CFAP46: variants seen among roughly 807,000 people sequenced by gnomAD.
CFAP46 encodes cilia and flagella associated protein 46, also known as cilia- and flagella-associated protein 46.
Under a neutral mutation model 325.7 loss-of-function variants are expected in CFAP46, and 245 were observed. The ratio of observed to expected loss-of-function variants is 0.75; its 90% CI spans 0.68 to 0.84. The LOEUF is 0.84. Ranked by LOEUF, CFAP46 falls within the 40% of genes least tolerant of loss-of-function variation. CFAP46 has a pLI of 0.00. For missense variants in CFAP46, 3,346 were observed against 3,543.0 expected (o/e 0.94, Z 1.41); for synonymous variants, 1,523 against 1,495.9 (o/e 1.02, Z -0.42).
At position 132,927,070 on chromosome 10, in the gene CFAP46, T is replaced by A. The variant is rs553670777; in HGVS notation, c.967-404A>T. On this transcript the variant is annotated intron_variant, in intron 9 of 57. Transcript: ENST00000368586. Reference sequence around the variant, plus strand: ...TACCTCTCCTTTCTTGGGGGCTTGCTGAGCTCGGGGAAGATGTTCCCAGGC... The same window carrying A: ...TACCTCTCCTTTCTTGGGGGCTTGCAGAGCTCGGGGAAGATGTTCCCAGGC... Among the ~76,000 whole-genome samples the A allele has an allele frequency of 9.9e-5, 15 of 152,252 alleles. No homozygotes were observed. In the East Asian group the frequency reaches 2.5e-3, roughly 26 times the overall value.
intron 35 of CFAP46, among the ~76,000 whole-genome samples, chr10:132,862,307 G>A (rs1247564091): frequency 6.6e-6 from 1 of 152,204 alleles, no homozygotes; most frequent in African/African-American, 2.4e-5. Context: ...CTTGTTGAGG[G>A]CAGCTACAGT....
In CFAP46 at chr10:132,924,107, C is replaced by G. The variant is rs1451799291; in HGVS notation, c.1256+589G>C. On this transcript the variant is annotated intron_variant, in intron 11 of 57. Transcript: ENST00000368586. ...TGAGATCAGGGCTGTGATTCTCCAGCCACCCTGGGCCCAGGCTCTGCAACA... is the reference window on the plus strand; with the variant it reads ...TGAGATCAGGGCTGTGATTCTCCAGGCACCCTGGGCCCAGGCTCTGCAACA... Among the ~76,000 whole-genome samples the G allele has an allele frequency of 3.9e-5, 6 of 152,102 alleles. 1 individual carries two copies. In the South Asian group the frequency reaches 1.2e-3, roughly 32 times the overall value.
At chr10:132,821,184 G>C (rs560126848) in intron 50 of CFAP46, among the ~76,000 whole-genome samples, 45 of 128,550 alleles carry the variant, frequency 3.5e-4, no homozygotes, top group African/African-American at 1.4e-3. Flanking sequence ...GATGTGTGCT[G>C]TGTGTGCTGT....
rs1169588785 is a variant in CFAP46, at chr10:132,885,962, G to A, written c.3305-3C>T. 6.5e-7 allele frequency: 1 copy of A among 1,549,224 alleles called. No homozygotes were observed. Among genetic ancestry groups the A allele is most frequent in the Non-Finnish European group, 8.7e-7 (1 of 1,146,160 alleles). On this transcript the variant is annotated splice_region_variant and splice_polypyrimidine_tract_variant and intron_variant, in intron 25 of 57. Coordinates refer to ENST00000368586, the MANE Select transcript of CFAP46 (RefSeq NM_001200049.3). Reference sequence around the variant, plus strand: ...GAGCGCCAGGTCGTCCTCAGCCCCTGGGAGGGAGAAGGAGGGGTGTCCTTG... The same window carrying A: ...GAGCGCCAGGTCGTCCTCAGCCCCTAGGAGGGAGAAGGAGGGGTGTCCTTG...
intron 22 of CFAP46, among the ~76,000 whole-genome samples, chr10:132,908,015 C>G (rs777368491): frequency 6.6e-6 from 1 of 152,076 alleles, no homozygotes; most frequent in Non-Finnish European, 1.5e-5. Context: ...AGGCTGAGGC[C>G]CCCCCTTTCT....
rs191890856 is a variant in CFAP46 at position 132,832,058 on chromosome 10, G to A, written c.7117+1300C>T. Among the ~76,000 whole-genome samples the A allele has an allele frequency of 5.1e-4, 78 of 151,984 alleles. 1 individual carries two copies. The highest frequency in any genetic ancestry group is 6.8e-4 in the Non-Finnish European group (46 of 67,976). On this transcript the variant is annotated intron_variant, in intron 50 of 57. Coordinates refer to ENST00000368586, the MANE Select transcript of CFAP46 (RefSeq NM_001200049.3). The surrounding 1 kb of genome is among the most constrained non-coding windows in gnomAD (Gnocchi z 4.1). ...CCTCCCTCTCATCTTTTGTGCTGTC[G>A]TCATTCATTTCACATTTATGTTATA...
chr10:132,931,194 C>A, intron 8 of CFAP46, among the ~76,000 whole-genome samples: 1 of 100,800 alleles, frequency 9.9e-6, no homozygotes, highest in African/African-American at 4.0e-5. Context: ...CTCCTCCCCA[C>A]ACAGAGCCTG....
chr10:132,893,879 G>A (rs1849286877), intron 24 of CFAP46, among the ~76,000 whole-genome samples: 1 of 152,098 alleles, frequency 6.6e-6, no homozygotes, highest in African/African-American at 2.4e-5. Context: ...GCCCCCTGTG[G>A]GTTTGCCGCA....
chr10:132,818,999 T>C (rs1187148624), intron 50 of CFAP46, among the ~76,000 whole-genome samples: 1 of 147,114 alleles, frequency 6.8e-6, no homozygotes, highest in East Asian at 1.9e-4. Context: ...ATAAATTAAG[T>C]AAAGTTGAAA....
At chr10:132,933,992 G>A (rs955531958) in intron 8 of CFAP46, among the ~76,000 whole-genome samples, 5 of 152,226 alleles carry the variant, frequency 3.3e-5, no homozygotes, top group Admixed American at 2.0e-4. Context: ...CGAGGTCATG[G>A]ACCTGTGCCC....
intron 43 of CFAP46, among the ~76,000 whole-genome samples, chr10:132,846,598 G>A (rs758759447): frequency 1.3e-5 from 2 of 151,958 alleles, no homozygotes; most frequent in African/African-American, 2.4e-5. Flanking sequence ...AGGTCCACAC[G>A]GACAGGGACC....
chr10:132,868,473 A>C (rs1407091218), intron 33 of CFAP46, among the ~76,000 whole-genome samples: 1 of 152,262 alleles, frequency 6.6e-6, no homozygotes, highest in Non-Finnish European at 1.5e-5. Context: ...CACGGTGCAC[A>C]GATAACTCAC....
intron 25 of CFAP46, among the ~76,000 whole-genome samples, chr10:132,887,837 TCTCTC>T (rs1374916850): frequency 2.5e-4 from 20 of 81,118 alleles, no homozygotes; most frequent in African/African-American, 1.4e-3. Flanking sequence ...TCCCTTCTTC[TCTCTC>T]CTCTCCTCTC....
In CFAP46 at chr10:132,836,866, C is replaced by T. The variant is rs771724041; in HGVS notation, c.6487G>A (p.Glu2163Lys). 6.1e-5 allele frequency: 98 copies of T among 1,613,938 alleles called. No homozygotes were observed. In the East Asian group the frequency reaches 2.1e-3, roughly 34 times the overall value. Reference protein sequence around the residue: ...VTEQHFNLLNEMPPTFWILFL... With the variant: ...VTEQHFNLLNKMPPTFWILFL... ...AGGATCCAAAAGGTCGGAGGCATCT[C>T]ATTCAAGAGGTTAAAATGCTGCTCA... is the stretch of plus-strand genomic sequence containing the variant. Residue 2163 changes from glutamate (E) to lysine (K), a missense_variant, in exon 45 of 58, where the codon GAG becomes AAG. Transcript: ENST00000368586.
intron 17 of CFAP46, among the ~76,000 whole-genome samples, chr10:132,915,100 A>G (rs567654989): frequency 6.6e-6 from 1 of 152,394 alleles, no homozygotes; most frequent in African/African-American, 2.4e-5. Context: ...TGAGCTTTGC[A>G]AGCTCCATAT....
Position 132,808,523 on chromosome 10 carries a change from G to C in CFAP46, c.8046C>G (p.Val2682=), listed in dbSNP as rs746351322. The C allele has an allele frequency of 5.6e-6, 9 of 1,613,050 alleles. No homozygotes were observed. The highest frequency in any genetic ancestry group is 2.7e-5 in the African/African-American group (2 of 74,942). ...PWGLRRGWSC[V]SSRGQDKGGL... is the part of the protein sequence containing the mutation. Reference sequence around the variant, plus strand: ...CGCCCTTGTCCTGGCCCCGGGAAGAGACGCAGCTCCAGCCCCGACGCAGAC... The same window carrying C: ...CGCCCTTGTCCTGGCCCCGGGAAGACACGCAGCTCCAGCCCCGACGCAGAC... The change falls in exon 58 of 58, where the codon GTC becomes GTG. Residue 2682 remains valine (V), a synonymous_variant. Transcript: ENST00000368586. This position sits in a 1 kb window ranked among gnomAD's most constrained non-coding sequence, Gnocchi z 6.8.
chr10:132,891,049 C>A (rs190249837), intron 25 of CFAP46, among the ~76,000 whole-genome samples: 2 of 152,028 alleles, frequency 1.3e-5, no homozygotes, highest in African/African-American at 4.8e-5. Context: ...AGTCAGTATG[C>A]GTTTTTGTGT....
chr10:132,912,366 C>T (rs562092884), intron 19 of CFAP46, among the ~76,000 whole-genome samples: 1 of 145,120 alleles, frequency 6.9e-6, no homozygotes, highest in South Asian at 2.3e-4. Flanking sequence ...TCTTTCTCCT[C>T]TCTTCTCTCT....
At chr10:132,812,640 G>A in intron 55 of CFAP46, 145 bp downstream of exon 55, 3 of 614,896 alleles carry the variant, frequency 4.9e-6, no homozygotes, top group Non-Finnish European at 8.7e-6. Context: ...GGAGGGGCCT[G>A]CAGTCACAGA....
Sources: allele counts gnomAD v4.1 joint callset (sites outside exome capture counted in the v4.1 genomes callset), GRCh38; gene constraint gnomAD v4.1.1; non-coding constraint Gnocchi (gnomAD v3.1); transcripts MANE v1.5; gene names NCBI Gene and HGNC (gene_info 2026-07-23, HGNC 2026-07-21).